GRIA3: variants seen among roughly 807,000 people sequenced by gnomAD.
GRIA3 encodes the protein glutamate ionotropic receptor AMPA type subunit 3.
Under a neutral mutation model 63.0 loss-of-function variants are expected in GRIA3, and 3 were observed. The observed-to-expected ratio is 0.05, with a 90% CI of 0.02 to 0.12. The LOEUF is 0.12. GRIA3 is among the 10% of genes least tolerant of loss of function. The pLI is 1.00. For missense variants in GRIA3, 347 were observed against 700.9 expected, an observed-to-expected ratio of 0.50 and a Z score of 5.70; for synonymous variants, 274 against 257.9, an observed-to-expected ratio of 1.06 and a Z score of -0.60.
At chrX:123,285,660 A>G (rs1451809031) in intron 3 of GRIA3, among the ~76,000 whole-genome samples, 2 of 110,159 alleles carry the variant, frequency 1.8e-5, no homozygotes, top group Non-Finnish European at 3.8e-5. Context: ...AAAGACCAAA[A>G]AAGACAAAGA....
rs184614996 is a variant in GRIA3, at chrX:123,352,206, G to A, written c.697-2704G>A. On this transcript the variant is annotated intron_variant, in intron 4 of 15. Transcript: ENST00000620443. ...AGTGATTCTCCTGCCTCAGCCTCCC[G>A]AGTAGCTGGGATTACAGGCATCTGC... 2.9e-3 allele frequency among the ~76,000 whole-genome samples: 318 copies of A among 110,590 alleles called. 2 individuals carry two copies. The highest frequency in any genetic ancestry group is 9.3e-3 in the Middle Eastern group (2 of 214).
intron 3 of GRIA3, among the ~76,000 whole-genome samples, chrX:123,303,718 ACTT>A (rs1355652092): frequency 9.0e-6 from 1 of 110,824 alleles, no homozygotes; most frequent in Non-Finnish European, 1.9e-5. Context: ...CACTTCAGAC[ACTT>A]CTTCTGTGAG....
At chrX:123,285,577 CAAAAAAA>C (rs59101106) in intron 3 of GRIA3, among the ~76,000 whole-genome samples, 1 of 10,171 alleles carries the variant, frequency 9.8e-5, no homozygotes, top group African/African-American at 4.3e-4. Context: ...AAATGAAAAG[CAAAAAAA>C]AAAAAAAAAA....
chrX:123,376,632 A>G (rs2045286028), intron 5 of GRIA3, among the ~76,000 whole-genome samples: 1 of 111,528 alleles, frequency 9.0e-6, no homozygotes, highest in Admixed American at 9.5e-5. Context: ...TAACTTCTTT[A>G]TTTCTTCCAA....
chrX:123,359,516 G>A (rs2045155494), intron 5 of GRIA3, among the ~76,000 whole-genome samples: 1 of 111,145 alleles, frequency 9.0e-6, no homozygotes, highest in Non-Finnish European at 1.9e-5. Flanking sequence ...GTTATCCTTG[G>A]GGATATAAAG....
rs141387072 is a variant in GRIA3 at position 123,310,804 on chromosome X, A to T, written c.509-15222A>T. On this transcript the variant is annotated intron_variant, in intron 3 of 15. Transcript: ENST00000620443. The stretch of plus-strand genomic sequence containing the variant: ...GATCACTTGAGGACAGGGGTTCAAG[A>T]CCAGTCTGGCCAATATGGCGAAAGC... Among the ~76,000 whole-genome samples the T allele has an allele frequency of 1.4e-3, 162 of 111,911 alleles. 1 individual carries two copies. Among genetic ancestry groups the T allele is most frequent in the African/African-American group, 4.7e-3 (145 of 30,851 alleles).
At chrX:123,309,794 C>G (rs977515011) in intron 3 of GRIA3, among the ~76,000 whole-genome samples, 1 of 111,834 alleles carries the variant, frequency 8.9e-6, no homozygotes, top group African/African-American at 3.3e-5. Flanking sequence ...CTGGGCTGGC[C>G]TATTGCTGGC....
chrX:123,390,155 T>G (rs189300979), intron 5 of GRIA3, among the ~76,000 whole-genome samples: 24 of 112,286 alleles, frequency 2.1e-4, no homozygotes, highest in Admixed American at 5.7e-4. Context: ...TGCTTATCAT[T>G]GTGGTTTGAT....
chrX:123,481,898 C>T (rs1325671662), intron 14 of GRIA3, among the ~76,000 whole-genome samples: 1 of 111,602 alleles, frequency 9.0e-6, no homozygotes, highest in Non-Finnish European at 1.9e-5. Context: ...CCCCTTGTTA[C>T]AAAGAAAGCA....
intron 5 of GRIA3, among the ~76,000 whole-genome samples, chrX:123,388,567 A>G (rs2045366634): frequency 8.9e-6 from 1 of 112,112 alleles, no homozygotes; most frequent in Non-Finnish European, 1.9e-5. Flanking sequence ...TTTCTGTGGT[A>G]TCAATTGTAA....
Position 123,325,403 on chromosome X carries a change from G to A in GRIA3, c.509-623G>A, listed in dbSNP as rs944479290. On this transcript the variant is annotated intron_variant, in intron 3 of 15. Transcript: ENST00000620443. ...AGATAAAAAGGAACCAGGAATTCCT[G>A]GTAAATTTAATTGAGAAAGGGAAAG... 2.7e-5 allele frequency among the ~76,000 whole-genome samples: 3 copies of A among 111,750 alleles called. No homozygotes were observed. The East Asian group carries it at 8.4e-4, about 31-fold the overall frequency.
At chrX:123,277,894 T>C (rs755363738) in intron 3 of GRIA3, among the ~76,000 whole-genome samples, 1 of 112,076 alleles carries the variant, frequency 8.9e-6, no homozygotes, top group Non-Finnish European at 1.9e-5. Context: ...GACTTTTAAC[T>C]TCCTCATGTG....
intron 3 of GRIA3, among the ~76,000 whole-genome samples, chrX:123,287,125 C>T (rs1385293865): frequency 9.0e-6 from 1 of 111,606 alleles, no homozygotes; most frequent in African/African-American, 3.3e-5. Context: ...CAAATCAATA[C>T]ACATAATCCA....
At chrX:123,195,868 A>T (rs995368953) in intron 2 of GRIA3, among the ~76,000 whole-genome samples, 1 of 110,672 alleles carries the variant, frequency 9.0e-6, no homozygotes, top group African/African-American at 3.3e-5. Flanking sequence ...ATATGGTAGA[A>T]TTTTTTCTCC....
intron 12 of GRIA3, among the ~76,000 whole-genome samples, chrX:123,440,937 G>A (rs1200934902): frequency 9.0e-6 from 1 of 111,656 alleles, no homozygotes; most frequent in Non-Finnish European, 1.9e-5. Context: ...ACATTTAACA[G>A]ACTATTTCTT....
intron 3 of GRIA3, among the ~76,000 whole-genome samples, chrX:123,260,146 G>A (rs1297926736): frequency 9.3e-6 from 1 of 107,611 alleles, no homozygotes; most frequent in African/African-American, 3.4e-5. Flanking sequence ...GCATACTAAC[G>A]GAGGGTTGTG....
chrX:123,204,486 A>G (rs3752471), intron 2 of GRIA3: 46,121 of 1,162,686 alleles, frequency 0.04, 3,334 homozygotes, highest in Admixed American at 0.3. Flanking sequence ...AGTGAGCATC[A>G]TGGAGGGAGA....
intron 3 of GRIA3, among the ~76,000 whole-genome samples, chrX:123,297,925 C>A (rs1456980275): frequency 9.1e-6 from 1 of 110,034 alleles, no homozygotes; most frequent in African/African-American, 3.3e-5. Context: ...CCTCTATGTG[C>A]CTGTGTGTTC....
chrX:123,431,027 T>TACACATACAC (rs2045615237), intron 12 of GRIA3, among the ~76,000 whole-genome samples: 1 of 99,465 alleles, frequency 1.0e-5, no homozygotes, highest in Admixed American at 1.1e-4. Flanking sequence ...GTAACTCACA[T>TACACATACAC]ACACACACAC....
Sources: allele counts gnomAD v4.1 joint callset (sites outside exome capture counted in the v4.1 genomes callset), GRCh38; gene constraint gnomAD v4.1.1; transcripts MANE v1.5; gene names NCBI Gene and HGNC (gene_info 2026-07-23, HGNC 2026-07-21).